SV2B: variants seen among roughly 807,000 people sequenced by gnomAD.
The protein encoded by SV2B is synaptic vesicle glycoprotein 2B, also known as solute carrier family 22 member B2.
Under a neutral mutation model 73.9 loss-of-function variants are expected in SV2B, and 41 were observed. That is an observed-to-expected ratio of 0.56 (90% CI 0.43 to 0.72). The LOEUF is 0.72. Among genes scored for constraint, SV2B ranks in the 30% least tolerant of loss-of-function variants. The pLI is 0.00. For synonymous variants in SV2B, 314 were observed against 314.2 expected, an observed-to-expected ratio of 1.00 and a Z score of 0.01; for missense variants, 764 against 857.8, an observed-to-expected ratio of 0.89 and a Z score of 1.37.
chr15:91,260,755 T>TGGGGAGGCCTCAGAATCATGG (rs1008375406), intron 6 of SV2B, among the ~76,000 whole-genome samples: 13 of 152,186 alleles, frequency 8.5e-5, no homozygotes, highest in African/African-American at 3.1e-4. Flanking sequence ...TCCGCATGGC[T>TGGGGAGGCCTCAGAATCATGG]GGGGAGGCCT....
intron 1 of SV2B, among the ~76,000 whole-genome samples, chr15:91,120,934 T>C (rs533656257): frequency 6.6e-6 from 1 of 152,238 alleles, no homozygotes; most frequent in East Asian, 1.9e-4. Flanking sequence ...TTTCTCAACA[T>C]GATTCAGGTA....
In SV2B at chr15:91,266,678, A is replaced by T. The variant is rs926556402; in HGVS notation, c.1105A>T (p.Thr369Ser). The change falls in exon 7 of 13, where the codon ACC becomes TCC. Residue 369 changes from threonine to serine, a missense_variant. By Grantham distance (58) the Thr-to-Ser change is moderately conservative. Transcript: ENST00000394232. ...WYQRWLVRFK[T>S]IFKQVWDNAL... Reference sequence around the variant, plus strand: ...CCAGCGCTGGCTGGTCAGATTCAAGACCATTTTCAAGCAGGTATGATTGGG... The same window carrying T: ...CCAGCGCTGGCTGGTCAGATTCAAGTCCATTTTCAAGCAGGTATGATTGGG... The T allele has an allele frequency of 1.2e-6, 2 of 1,613,526 alleles. No individual in the cohort carries two copies. The highest frequency in any genetic ancestry group is 1.7e-6 in the Non-Finnish European group (2 of 1,179,732).
chr15:91,246,713 A>ACCTCCTCCTCCTCCT, intron 2 of SV2B, among the ~76,000 whole-genome samples: 1 of 141,840 alleles, frequency 7.1e-6, no homozygotes, highest in South Asian at 2.3e-4. Flanking sequence ...CCTCCTTTCA[A>ACCTCCTCCTCCTCCT]CCTCCTCCTC....
chr15:91,233,452 C>T (rs1209594920), intron 2 of SV2B, among the ~76,000 whole-genome samples: 2 of 152,186 alleles, frequency 1.3e-5, no homozygotes, highest in African/African-American at 2.4e-5. Flanking sequence ...TGAAAGAGAT[C>T]CTTATCTCCT....
At chr15:91,230,149 G>A (rs1366725585) in intron 2 of SV2B, among the ~76,000 whole-genome samples, 1 of 152,020 alleles carries the variant, frequency 6.6e-6, no homozygotes, top group Non-Finnish European at 1.5e-5. Flanking sequence ...GCTGAGGTGG[G>A]AGGATTGCTT....
intron 1 of SV2B, among the ~76,000 whole-genome samples, chr15:91,195,555 A>G (rs547607064): frequency 6.6e-6 from 1 of 152,362 alleles, no homozygotes; most frequent in South Asian, 2.1e-4. Flanking sequence ...GTTGCGAGGA[A>G]TAAGCAACAC....
Position 91,106,245 on chromosome 15 carries a change from G to C in SV2B, c.-392+5882G>C, listed in dbSNP as rs1257642193. ...GGGTTTAATTGGATATCCAATGGGA[G>C]ATGTTAAGTAGTTCATTGCATATGA... On this transcript the variant is annotated intron_variant, in intron 1 of 12. Transcript: ENST00000394232. The surrounding 1 kb of genome is among the most constrained non-coding windows in gnomAD (Gnocchi z 4.4). Among the ~76,000 whole-genome samples the C allele has an allele frequency of 2.0e-5, 3 of 152,208 alleles. No homozygotes were observed. Among genetic ancestry groups the C allele is most frequent in the Non-Finnish European group, 2.9e-5 (2 of 68,034 alleles).
At chr15:91,162,368 A>G (rs997633177) in intron 1 of SV2B, among the ~76,000 whole-genome samples, 19 of 152,360 alleles carry the variant, frequency 1.2e-4, no homozygotes, top group African/African-American at 4.1e-4. Context: ...AATATGTTTG[A>G]ATATATTTTG....
At chr15:91,213,931 A>G (rs1248699233) in intron 1 of SV2B, among the ~76,000 whole-genome samples, 2 of 152,212 alleles carry the variant, frequency 1.3e-5, no homozygotes, top group Admixed American at 6.5e-5. Flanking sequence ...TTTCCTTGAC[A>G]ATCAAAAGGG....
At chr15:91,168,234 T>C (rs1240863150) in intron 1 of SV2B, among the ~76,000 whole-genome samples, 4 of 151,672 alleles carry the variant, frequency 2.6e-5, no homozygotes, top group Middle Eastern at 3.2e-3. Flanking sequence ...AAATCTGAAG[T>C]TTAGCCTCCC....
rs1567402778 is a variant in SV2B at position 91,258,516 on chromosome 15, C to T, written c.880C>T (p.Leu294=). Residue 294 remains leucine (L), a synonymous_variant, in exon 5 of 13, where the codon CTG becomes TTG. Coordinates refer to ENST00000394232, the MANE Select transcript of SV2B (RefSeq NM_001323032.3). This position sits in a 1 kb window ranked among gnomAD's most constrained non-coding sequence, Gnocchi z 4.7. ...GCCCTGCACCGTGTCCATGGTGGCC[C>T]TGAAGTTCATGCCAGAGAGCCCAAG... is the stretch of plus-strand genomic sequence containing the variant. ...ALPCTVSMVA[L]KFMPESPRFL... is the part of the protein sequence containing the mutation. The T allele has an allele frequency of 3.7e-6, 6 of 1,614,082 alleles. No individual in the cohort carries two copies. Among genetic ancestry groups the T allele is most frequent in the Non-Finnish European group, 3.4e-6 (4 of 1,179,976 alleles).
Position 91,197,983 on chromosome 15 carries a change from CGA to C in SV2B, c.-391-27887_-391-27886del, listed in dbSNP as rs1429910173. Among the ~76,000 whole-genome samples the C allele has an allele frequency of 6.6e-6, 1 of 152,080 alleles. No homozygotes were observed. The highest frequency in any genetic ancestry group is 2.4e-5 in the African/African-American group (1 of 41,416). ...TGGGAGGCTGGAGGTTACAGTGAAC[CGA>C]GATCGTGCCATTACACTACAGCCTG... On this transcript the variant is annotated intron_variant, in intron 1 of 12. Coordinates refer to ENST00000394232, the MANE Select transcript of SV2B (RefSeq NM_001323032.3). The surrounding 1 kb of genome is among the most constrained non-coding windows in gnomAD (Gnocchi z 4.9).
intron 9 of SV2B, among the ~76,000 whole-genome samples, chr15:91,276,064 GTT>G (rs35560168): frequency 4.3e-5 from 6 of 140,074 alleles, no homozygotes; most frequent in Non-Finnish European, 7.8e-5. Flanking sequence ...TGGGTGGACA[GTT>G]TTTTTTTTTT....
At position 91,237,230 on chromosome 15, in the gene SV2B, C is replaced by G. The variant is rs2046819056; in HGVS notation, c.451+10516C>G. On this transcript the variant is annotated intron_variant, in intron 2 of 12. Coordinates refer to ENST00000394232, the MANE Select transcript of SV2B (RefSeq NM_001323032.3). The stretch of plus-strand genomic sequence containing the variant: ...TTTAGAATGAGTCCTCTGTGTGGCC[C>G]CTCTCAAAGTCATGCACTATTGACA... Among the ~76,000 whole-genome samples the G allele has an allele frequency of 2.0e-5, 3 of 152,244 alleles. No individual in the cohort carries two copies. In the South Asian group the frequency reaches 6.2e-4, roughly 32 times the overall value.
intron 1 of SV2B, among the ~76,000 whole-genome samples, chr15:91,150,986 C>T (rs554315682): frequency 7.2e-5 from 11 of 152,314 alleles, no homozygotes; most frequent in South Asian, 2.1e-4. Flanking sequence ...AACCCCCTTA[C>T]GCGTGTAGCC....
chr15:91,127,335 TA>T (rs2042514230), intron 1 of SV2B, among the ~76,000 whole-genome samples: 1 of 152,004 alleles, frequency 6.6e-6, no homozygotes, highest in Non-Finnish European at 1.5e-5. Flanking sequence ...ATACTCTAAT[TA>T]ACGGGCAGAG....
intron 2 of SV2B, among the ~76,000 whole-genome samples, chr15:91,246,609 C>T (rs1386858142): frequency 6.6e-6 from 1 of 152,160 alleles, no homozygotes; most frequent in Admixed American, 6.5e-5. Context: ...TGGTGCCTGT[C>T]ACTGCAGGCT....
chr15:91,158,723 C>CCTCTCCTCTCCTCTCCTCTCCTCTT lies in SV2B; in HGVS notation c.-392+58365_-392+58366insCTCTCCTCTCCTCTCCTCTTCTCTC, dbSNP rs796783494. 1.6e-3 allele frequency among the ~76,000 whole-genome samples: 90 copies of CCTCTCCTCTCCTCTCCTCTCCTCTT among 57,516 alleles called. 8 individuals are homozygous for CCTCTCCTCTCCTCTCCTCTCCTCTT. Among genetic ancestry groups the CCTCTCCTCTCCTCTCCTCTCCTCTT allele is most frequent in the Non-Finnish European group, 2.4e-3 (63 of 26,010 alleles). The allele number at this position is 57,516 out of a possible 152,430, so 37.7% of individuals were successfully genotyped here. A position where few individuals can be genotyped will look rare whatever the true frequency, so the allele number is the denominator to read the frequency against. On this transcript the variant is annotated intron_variant, in intron 1 of 12. Coordinates refer to ENST00000394232, the MANE Select transcript of SV2B (RefSeq NM_001323032.3). The stretch of plus-strand genomic sequence containing the variant: ...TCTCTCCTCTCCTCTCCTCTCCTCT[C>CCTCTCCTCTCCTCTCCTCTCCTCTT]CTCTCTTCTCCTCTTTTTTCTCTCT...
rs1234218184 is a variant in SV2B, at chr15:91,298,952, A to G, written c.*6400A>G. ...AGATTTCTCTAAATCAGCATTAGTG[A>G]TCATTTCAATAGGGTATGAACAAAA... On this transcript the variant is annotated 3_prime_UTR_variant, in exon 13 of 13. Transcript: ENST00000394232. The surrounding 1 kb of genome is among the most constrained non-coding windows in gnomAD (Gnocchi z 5.4). The G allele has an allele frequency of 6.6e-6, 1 of 152,210 alleles. No individual in the cohort carries two copies. The highest frequency in any genetic ancestry group is 1.5e-5 in the Non-Finnish European group (1 of 68,038). 9.4% of individuals were successfully genotyped at this position (152,210 alleles called of 1,614,324 possible).
Sources: gnomAD v4.1 joint callset for allele counts (sites outside exome capture counted in the v4.1 genomes callset) on GRCh38, gnomAD v4.1.1 for gene constraint, Gnocchi (gnomAD v3.1) non-coding constraint, MANE v1.5 for transcripts, NCBI Gene and HGNC (gene_info 2026-07-23, HGNC 2026-07-21) for gene names.